Variants in RORA observed in about 807,000 individuals in gnomAD.
The protein encoded by RORA is RAR related orphan receptor A.
Under a neutral mutation model 69.5 loss-of-function variants are expected in RORA, and 7 were observed. The observed-to-expected ratio is 0.10, with a 90% CI of 0.06 to 0.19. RORA has a LOEUF of 0.19. Ranked by LOEUF, RORA falls within the 10% of genes least tolerant of loss-of-function variation. RORA has a pLI of 1.00. For synonymous variants in RORA, 261 were observed against 240.8 expected (o/e 1.08, Z -0.78); for missense variants, 457 against 663.0 (o/e 0.69, Z 3.41).
At chr15:61,063,717 G>C (rs1185080925) in intron 1 of RORA, among the ~76,000 whole-genome samples, 1 of 152,194 alleles carries the variant, frequency 6.6e-6, no homozygotes, top group Non-Finnish European at 1.5e-5. Context: ...AGTATTTAGA[G>C]TGCTTCCTGG....
At chr15:60,504,091 G>A (rs115460163) in intron 6 of RORA, among the ~76,000 whole-genome samples, 3,484 of 152,056 alleles carry the variant, frequency 0.023, 148 homozygotes, top group African/African-American at 0.08. Context: ...ATGAGCCACC[G>A]TGCCCGGTCT....
intron 1 of RORA, among the ~76,000 whole-genome samples, chr15:60,887,829 G>A (rs1400888608): frequency 1.3e-5 from 2 of 152,284 alleles, no homozygotes; most frequent in East Asian, 1.9e-4. Flanking sequence ...AAGATGTGGA[G>A]GTTCCAGCAA....
intron 1 of RORA, among the ~76,000 whole-genome samples, chr15:60,923,697 G>A (rs1193023929): frequency 3.3e-5 from 5 of 152,258 alleles, no homozygotes; most frequent in South Asian, 2.1e-4. Context: ...AGGCCTTTCC[G>A]AACGCTCCAC....
rs1234524935 is a variant in RORA at position 60,489,323 on chromosome 15, A to G, written c.*8132T>C. The stretch of plus-strand genomic sequence containing the variant: ...GAATTGTGGATAAATATTGCAGTGC[A>G]TGGAAGCCAATAATCATGGCTTGAG... On this transcript the variant is annotated 3_prime_UTR_variant, in exon 11 of 11. Transcript: ENST00000335670. 6.6e-6 allele frequency: 1 copy of G among 152,240 alleles called. No homozygotes were observed. Among genetic ancestry groups the G allele is most frequent in the East Asian group, 1.9e-4 (1 of 5,206 alleles). The allele number at this position is 152,240 out of a possible 1,614,324, so 9.4% of individuals were successfully genotyped here. A position where few individuals can be genotyped will look rare whatever the true frequency, so the allele number is the denominator to read the frequency against.
Position 60,511,427 on chromosome 15 carries a change from G to A in RORA, c.619C>T (p.His207Tyr), listed in dbSNP as rs1223606870. 6.2e-7 allele frequency: 1 copy of A among 1,614,052 alleles called. No individual in the cohort carries two copies. The highest frequency in any genetic ancestry group is 8.5e-7 in the Non-Finnish European group (1 of 1,180,032). Residue 207 changes from histidine (H) to tyrosine (Y), a missense_variant, in exon 5 of 11, where the codon CAC becomes TAC. By Grantham distance (83) the His-to-Tyr change is moderately conservative. Around this residue, in one of 3 missense-constraint regions of RORA, gnomAD observed 304 missense variants for 447.4 expected, o/e 0.68. Transcript: ENST00000335670. This position sits in a 1 kb window ranked among gnomAD's most constrained non-coding sequence, Gnocchi z 6.4. ...HDDLSNYIDG[H>Y]TPEGSKADSA... ...TCTGCCTTACTCCCCTCAGGGGTGTGCCCGTCAATGTAGTTACTGAGGTCG... is the reference window on the plus strand; with the variant it reads ...TCTGCCTTACTCCCCTCAGGGGTGTACCCGTCAATGTAGTTACTGAGGTCG...
intron 1 of RORA, among the ~76,000 whole-genome samples, chr15:61,189,304 C>T (rs746757282): frequency 5.9e-5 from 9 of 152,152 alleles, no homozygotes; most frequent in South Asian, 2.1e-4. Flanking sequence ...TAATGGAGAA[C>T]GACAAAGGAG....
At chr15:60,663,228 T>A (rs1006833213) in intron 2 of RORA, among the ~76,000 whole-genome samples, 2 of 152,210 alleles carry the variant, frequency 1.3e-5, no homozygotes, top group African/African-American at 4.8e-5. Flanking sequence ...GCATCTATTC[T>A]CTGGGGAATT....
intron 1 of RORA, among the ~76,000 whole-genome samples, chr15:60,697,758 A>G (rs548340140): frequency 2.0e-5 from 3 of 152,148 alleles, no homozygotes; most frequent in Non-Finnish European, 4.4e-5. Flanking sequence ...CTCAAATTTC[A>G]TATGTTATTT....
intron 2 of RORA, among the ~76,000 whole-genome samples, chr15:60,592,043 G>C (rs982019531): frequency 6.6e-6 from 1 of 151,988 alleles, no homozygotes; most frequent in African/African-American, 2.4e-5. Flanking sequence ...GAACTCCGCA[G>C]ACCCTCCCCT....
At chr15:60,973,644 G>T (rs1036014066) in intron 1 of RORA, among the ~76,000 whole-genome samples, 3 of 152,214 alleles carry the variant, frequency 2.0e-5, no homozygotes, top group Admixed American at 1.3e-4. Context: ...ACATTATTCG[G>T]CTTACAACAG....
chr15:60,966,885 T>C (rs1893567402), intron 1 of RORA, among the ~76,000 whole-genome samples: 1 of 152,208 alleles, frequency 6.6e-6, no homozygotes, highest in South Asian at 2.1e-4. Flanking sequence ...TTGAGCAACT[T>C]GGGACTGAGG....
At chr15:60,654,502 T>G (rs573594021) in intron 2 of RORA, among the ~76,000 whole-genome samples, 1 of 152,242 alleles carries the variant, frequency 6.6e-6, no homozygotes, top group Non-Finnish European at 1.5e-5. Context: ...TTTGAAATGC[T>G]GTGTTCCTTA....
chr15:61,171,979 T>A (rs1596044798), intron 1 of RORA, among the ~76,000 whole-genome samples: 1 of 152,218 alleles, frequency 6.6e-6, no homozygotes, highest in South Asian at 2.1e-4. Flanking sequence ...GATGTGACCC[T>A]ATAGGCTGAA....
At chr15:60,789,081 G>T (rs1191337477) in intron 1 of RORA, among the ~76,000 whole-genome samples, 1 of 152,184 alleles carries the variant, frequency 6.6e-6, no homozygotes, top group Non-Finnish European at 1.5e-5. Flanking sequence ...AGTAAAGAAG[G>T]GTTGGAGGGC....
Position 60,511,211 on chromosome 15 carries a change from C to T in RORA, c.820+15G>A, listed in dbSNP as rs1266833960. 2 of 1,600,176 alleles carry T rather than the reference C, an allele frequency of 1.2e-6. No homozygotes were observed. The highest frequency in any genetic ancestry group is 1.7e-6 in the Non-Finnish European group (2 of 1,172,854). ...CATGAATAGAGCATCCCAGGAGAAG[C>T]ATGCATGCCATTACCTAATTCTGCC... On this transcript the variant is annotated intron_variant, in intron 5 of 10. Transcript: ENST00000335670. The surrounding 1 kb of genome is among the most constrained non-coding windows in gnomAD (Gnocchi z 6.4).
intron 1 of RORA, among the ~76,000 whole-genome samples, chr15:60,709,389 C>A (rs1290658474): frequency 6.6e-6 from 1 of 152,170 alleles, no homozygotes; most frequent in Non-Finnish European, 1.5e-5. Flanking sequence ...AAGTAACAGA[C>A]TGAGGATTAA....
chr15:60,873,026 A>ACATACTTT (rs2073573925), intron 1 of RORA, among the ~76,000 whole-genome samples: 1 of 151,192 alleles, frequency 6.6e-6, no homozygotes, highest in Admixed American at 6.6e-5. Context: ...CCTTCTTCTT[A>ACATACTTT]GTTTTCGTTT....
chr15:60,849,483 T>C (rs571800049), intron 1 of RORA, among the ~76,000 whole-genome samples: 2 of 152,226 alleles, frequency 1.3e-5, no homozygotes, highest in Non-Finnish European at 2.9e-5. Context: ...ATGATGATGC[T>C]GTGGAGATAC....
intron 2 of RORA, among the ~76,000 whole-genome samples, chr15:60,649,725 G>T (rs2070111595): frequency 1.3e-5 from 2 of 152,100 alleles, no homozygotes; most frequent in South Asian, 4.2e-4. Flanking sequence ...AATTTGGATT[G>T]AGCATCCATG....
Sources: allele counts gnomAD v4.1 joint callset (sites outside exome capture counted in the v4.1 genomes callset), GRCh38; gene constraint gnomAD v4.1.1; regional missense constraint gnomAD v4.1.1; non-coding constraint Gnocchi (gnomAD v3.1); transcripts MANE v1.5; gene names NCBI Gene and HGNC (gene_info 2026-07-23, HGNC 2026-07-21).